The following DIP2A variants were observed in gnomAD, a reference collection of about 807,000 sequenced individuals.
The protein encoded by DIP2A is DIP2 acetate--CoA ligase A.
Under a neutral mutation model 177.4 loss-of-function variants are expected in DIP2A, and 85 were observed. The ratio of observed to expected loss-of-function variants is 0.48; its 90% confidence interval spans 0.40 to 0.57. The LOEUF is 0.57. DIP2A is among the 20% of genes least tolerant of loss of function. DIP2A has a pLI of 0.00. For missense variants in DIP2A, 1,791 were observed against 2,100.2 expected (o/e 0.85, Z 2.88); for synonymous variants, 886 against 881.8 (o/e 1.00, Z -0.08).
In DIP2A at chr21:46,554,649, C is replaced by A. The variant is rs1204980081; in HGVS notation, c.3229C>A (p.Pro1077Thr). The A allele has an allele frequency of 6.3e-7, 1 of 1,590,374 alleles. No homozygotes were observed. Among genetic ancestry groups the A allele is most frequent in the Non-Finnish European group, 8.6e-7 (1 of 1,169,110 alleles). ...GCCTGTCACCGTGCGGCCCCCGCAC[C>A]CTCAGAACCTCGGCACCACACTGCC... ...CVPVTVRPPHPQNLGTTLPTV... is the reference protein window; with the variant it reads ...CVPVTVRPPHTQNLGTTLPTV... Residue 1077 changes from proline (P) to threonine (T), a missense_variant, in exon 27 of 38, where the codon CCT becomes ACT. Physicochemically the swap from Pro to Thr is conservative, Grantham distance 38. Coordinates refer to ENST00000417564, the MANE Select transcript of DIP2A (RefSeq NM_015151.4).
chr21:46,553,832 C>T (rs1324323356), intron 25 of DIP2A: 1 of 191,738 alleles, frequency 5.2e-6, no homozygotes, highest in African/African-American at 2.3e-5. Flanking sequence ...ATGCCTGTCC[C>T]TTCACTGCTA....
At chr21:46,493,511 A>G (rs538253380) in intron 3 of DIP2A, among the ~76,000 whole-genome samples, 26 of 152,206 alleles carry the variant, frequency 1.7e-4, no homozygotes, top group African/African-American at 6.3e-4. Flanking sequence ...TTTATTAAAT[A>G]TTCATATTTA....
chr21:46,529,083 T>C lies in DIP2A; in HGVS notation c.1103-9T>C. On this transcript the variant is annotated splice_polypyrimidine_tract_variant and intron_variant, in intron 8 of 37. Transcript: ENST00000417564. ...TTTTACATTGCTTAGTATTTTTATT[T>C]TGTTTTAGGTAAACTTTGGAGTCGG... 1 of 1,466,398 alleles carries C rather than the reference T, an allele frequency of 6.8e-7. No homozygotes were observed. The highest frequency in any genetic ancestry group is 9.1e-7 in the Non-Finnish European group (1 of 1,096,542). The allele number at this position is 1,466,398 out of a possible 1,614,324, so 90.8% of individuals were successfully genotyped here.
At chr21:46,572,515 A>G (rs1012933144), downstream of DIP2A, among the ~76,000 whole-genome samples, 3 of 152,166 alleles carry the variant, frequency 2.0e-5, no homozygotes, top group Non-Finnish European at 2.9e-5. Context: ...GGATTAATCT[A>G]TTCAAGGATT....
intron 28 of DIP2A, chr21:46,555,733 G>A (rs1042361915): frequency 2.3e-5 from 12 of 517,398 alleles, no homozygotes; most frequent in African/African-American, 1.2e-4. Context: ...TCCCCTCTTC[G>A]CCCTGCCTCG....
At chr21:46,515,896 A>G (rs991239885) in intron 8 of DIP2A, among the ~76,000 whole-genome samples, 16 of 151,918 alleles carry the variant, frequency 1.1e-4, no homozygotes, top group African/African-American at 3.4e-4. Context: ...TTCTTTTACT[A>G]TATACATTCC....
In DIP2A at chr21:46,483,787, G is replaced by A. The variant is rs8129227; in HGVS notation, c.92-970G>A. On this transcript the variant is annotated intron_variant, in intron 1 of 37. Transcript: ENST00000417564. The stretch of plus-strand genomic sequence containing the variant: ...CCTTACTGCTTTGCTTGCTTGTTTT[G>A]AGAGAAGGGAGATCTTACAAAACAC... 6.3e-3 allele frequency among the ~76,000 whole-genome samples: 962 copies of A among 152,280 alleles called. 13 individuals are homozygous for A. Among genetic ancestry groups the A allele is most frequent in the African/African-American group, 0.022 (925 of 41,548 alleles).
At chr21:46,566,431 G>T in intron 36 of DIP2A, 129 bp from the exon 37 acceptor site, 1 of 1,263,744 alleles carries the variant, frequency 7.9e-7, no homozygotes, top group Non-Finnish European at 1.1e-6. Context: ...CACGTGGTGT[G>T]CGACCTCATG....
chr21:46,565,861 G>A lies in DIP2A; in HGVS notation c.4313G>A (p.Arg1438Gln), dbSNP rs759016354. 9.3e-6 allele frequency: 15 copies of A among 1,613,806 alleles called. No individual in the cohort carries two copies. The highest frequency in any genetic ancestry group is 2.7e-5 in the African/African-American group (2 of 74,906). Reference protein sequence around the residue: ...ARTGYLGFLRRTELTDASGGR... With the variant: ...ARTGYLGFLRQTELTDASGGR... ...ACCGGCTACCTTGGCTTCCTTCGGC[G>A]AACAGAGCTCACTGATGCCAGTGGA... Residue 1438 changes from arginine to glutamine, a missense_variant, in exon 36 of 38, where the codon CGA becomes CAA. Arg to Gln is a conservative substitution (Grantham distance 43, BLOSUM62 1). Coordinates refer to ENST00000417564, the MANE Select transcript of DIP2A (RefSeq NM_015151.4).
chr21:46,514,918 CCTT>C (rs1361304453), intron 8 of DIP2A, among the ~76,000 whole-genome samples: 1 of 151,982 alleles, frequency 6.6e-6, no homozygotes, highest in Non-Finnish European at 1.5e-5. Flanking sequence ...TGATTTTCCT[CCTT>C]CATTAATTTG....
intron 31 of DIP2A, 130 bp from the exon 32 acceptor site, chr21:46,558,093 G>T (rs1341846501): frequency 3.1e-6 from 3 of 956,086 alleles, no homozygotes; most frequent in East Asian, 5.3e-5. Flanking sequence ...AACAGACACA[G>T]CCTGCGGAGA....
chr21:46,495,123 ATCTCTC>A (rs1029506566), intron 3 of DIP2A, among the ~76,000 whole-genome samples: 1 of 150,602 alleles, frequency 6.6e-6, no homozygotes, highest in African/African-American at 2.4e-5. Flanking sequence ...TCTGTACTTC[ATCTCTC>A]TCTCTCCCTC....
chr21:46,528,491 T>C (rs1300917826), intron 8 of DIP2A, among the ~76,000 whole-genome samples: 2 of 131,914 alleles, frequency 1.5e-5, no homozygotes, highest in East Asian at 4.6e-4. Flanking sequence ...TATGTACATA[T>C]ACATATGTAT....
At chr21:46,580,428 C>T in the DIP2A span, among the ~76,000 whole-genome samples, 13 of 152,140 alleles carry the variant, frequency 8.5e-5, no homozygotes, top group African/African-American at 4.8e-5. Flanking sequence ...TTAATTGGGA[C>T]ATTTAGTTCA....
intron 19 of DIP2A, among the ~76,000 whole-genome samples, 182 bp downstream of exon 19, chr21:46,545,455 A>G (rs2059989789): frequency 6.6e-6 from 1 of 152,204 alleles, no homozygotes; most frequent in African/African-American, 2.4e-5. Context: ...GAGTGAGGGC[A>G]AGGCCAGTAC....
At chr21:46,499,088 A>G (rs1238525255) in intron 5 of DIP2A, among the ~76,000 whole-genome samples, 1 of 152,260 alleles carries the variant, frequency 6.6e-6, no homozygotes, top group African/African-American at 2.4e-5. Context: ...TTAATTCATC[A>G]TTCAGATTAA....
At chr21:46,486,131 T>C (rs1428205859) in intron 2 of DIP2A, among the ~76,000 whole-genome samples, 1 of 149,690 alleles carries the variant, frequency 6.7e-6, no homozygotes, top group Non-Finnish European at 1.5e-5. Flanking sequence ...CGAGCAGTGC[T>C]GTCCAGTAGA....
chr21:46,473,900 A>G (rs1251908561), intron 1 of DIP2A, among the ~76,000 whole-genome samples: 2 of 152,208 alleles, frequency 1.3e-5, no homozygotes, highest in Non-Finnish European at 2.9e-5. Context: ...TAAAAAATGT[A>G]TTAACAAAAC....
chr21:46,504,287 G>A (rs1389622703), intron 5 of DIP2A, 74 bp from the exon 6 acceptor site: 26 of 1,571,362 alleles, frequency 1.7e-5, no homozygotes, highest in Non-Finnish European at 1.6e-5. Flanking sequence ...TTAGACTAAC[G>A]GGGTTTCAAG....
Sources: allele counts gnomAD v4.1 joint callset (sites outside exome capture counted in the v4.1 genomes callset), GRCh38; gene constraint gnomAD v4.1.1; transcripts MANE v1.5; gene names NCBI Gene and HGNC (gene_info 2026-07-23, HGNC 2026-07-21).